The following TTK variants were observed in gnomAD, a reference collection of about 807,000 sequenced individuals.
The protein encoded by TTK is TTK protein kinase, also known as dual specificity protein kinase TTK.
Under a neutral mutation model 117.3 loss-of-function variants are expected in TTK, and 59 were observed. That is an observed-to-expected ratio of 0.50 (90% CI 0.41 to 0.62). The LOEUF is 0.62. Ranked by LOEUF, TTK falls within the 20% of genes least tolerant of loss-of-function variation. The pLI, the probability that TTK is intolerant of heterozygous loss-of-function variation, is 0.00. For missense variants in TTK, 921 were observed against 989.4 expected (o/e 0.93, Z 0.93); for synonymous variants, 302 against 325.0 (o/e 0.93, Z 0.76).
intron 10 of TTK, among the ~76,000 whole-genome samples, chr6:80,016,764 C>T (rs1207879016): frequency 1.3e-5 from 2 of 152,164 alleles, no homozygotes; most frequent in Non-Finnish European, 2.9e-5. Flanking sequence ...AACATGTGCT[C>T]TACCCATCAC....
chr6:80,027,793 T>G, intron 12 of TTK, 92 bp from the exon 13 acceptor site: 3 of 995,554 alleles, frequency 3.0e-6, no homozygotes, highest in Non-Finnish European at 4.2e-6. Flanking sequence ...GTAACACTTT[T>G]AAGTTTATAT....
rs749764035 is a variant in TTK, at chr6:80,005,858, T to C, written c.15T>C (p.Asp5=). Residue 5 remains aspartate (D), a synonymous_variant, in exon 2 of 22, where the codon GAT becomes GAC. Transcript: ENST00000369798. MESE[D]LSGRELTIDS... ...TTTTCTTAGAAATGGAATCCGAGGA[T>C]TTAAGTGGCAGAGAATTGACAATTG... 1 of 1,612,442 alleles carries C rather than the reference T, an allele frequency of 6.2e-7. No individual in the cohort carries two copies. Among genetic ancestry groups the C allele is most frequent in the Non-Finnish European group, 8.5e-7 (1 of 1,179,546 alleles).
chr6:80,015,436 G>T (rs1339982104), intron 10 of TTK, among the ~76,000 whole-genome samples: 1 of 152,130 alleles, frequency 6.6e-6, no homozygotes, highest in East Asian at 1.9e-4. Context: ...TTGCCAGATT[G>T]GATGTATTAA....
intron 11 of TTK, among the ~76,000 whole-genome samples, chr6:80,024,878 T>C (rs1767564545): frequency 6.6e-6 from 1 of 152,166 alleles, no homozygotes; most frequent in Non-Finnish European, 1.5e-5. Flanking sequence ...CATTTCTTCC[T>C]CTTTCTTGCA....
chr6:80,022,849 C>T (rs1767499193), intron 11 of TTK, among the ~76,000 whole-genome samples: 1 of 152,152 alleles, frequency 6.6e-6, no homozygotes, highest in Non-Finnish European at 1.5e-5. Flanking sequence ...GACCACTTGG[C>T]CTGCAAAGTT....
intron 13 of TTK, among the ~76,000 whole-genome samples, chr6:80,028,324 T>C (rs1767662508): frequency 6.6e-6 from 1 of 151,202 alleles, no homozygotes; most frequent in Non-Finnish European, 1.5e-5. Flanking sequence ...TTTATTTATT[T>C]ATTTATTTTT....
At chr6:80,020,423 G>C (rs950924288) in intron 10 of TTK, among the ~76,000 whole-genome samples, 1 of 152,040 alleles carries the variant, frequency 6.6e-6, no homozygotes, top group Non-Finnish European at 1.5e-5. Context: ...CTCCAAGTGA[G>C]ATAAAACAGT....
At chr6:80,025,772 C>A (rs1394631882) in intron 11 of TTK, among the ~76,000 whole-genome samples, 1 of 152,054 alleles carries the variant, frequency 6.6e-6, no homozygotes, top group Non-Finnish European at 1.5e-5. Flanking sequence ...TCAGCCTGAG[C>A]CTGTAGGCTG....
At chr6:80,038,696 TGTAA>T (rs1334881203) in intron 18 of TTK, among the ~76,000 whole-genome samples, 5 of 152,272 alleles carry the variant, frequency 3.3e-5, no homozygotes, top group African/African-American at 7.2e-5. Flanking sequence ...AAATCTGGCT[TGTAA>T]GTGTTTTTCA....
chr6:80,025,910 GT>G (rs1767592828), intron 11 of TTK, among the ~76,000 whole-genome samples: 1 of 150,060 alleles, frequency 6.7e-6, no homozygotes, highest in African/African-American at 2.5e-5. Flanking sequence ...ATTTCTACAG[GT>G]TCTGTCTCTT....
intron 4 of TTK, among the ~76,000 whole-genome samples, chr6:80,008,948 T>TGC (rs1187824425): frequency 6.8e-6 from 1 of 147,836 alleles, no homozygotes; most frequent in African/African-American, 2.5e-5. Flanking sequence ...TGTGTGTGTG[T>TGC]GTGTGTGTGT....
rs755010075 is a variant in TTK at position 80,014,559 on chromosome 6, G to A, written c.1081G>A (p.Glu361Lys). The A allele has an allele frequency of 2.6e-5, 42 of 1,599,956 alleles. No individual in the cohort carries two copies. Among genetic ancestry groups the A allele is most frequent in the Non-Finnish European group, 3.1e-5 (36 of 1,173,792 alleles). Reference sequence around the variant, plus strand: ...TTCAATAACCCTGAAGAATAAAACGGAATCAAGTCTTCTAGCTAAATTAGA... The same window carrying A: ...TTCAATAACCCTGAAGAATAAAACGAAATCAAGTCTTCTAGCTAAATTAGA... ...TDSITLKNKTESSLLAKLEET... is the reference protein window; with the variant it reads ...TDSITLKNKTKSSLLAKLEET... The change falls in exon 10 of 22, where the codon GAA becomes AAA. Residue 361 changes from glutamate to lysine, a missense_variant. Physicochemically the swap from Glu to Lys is moderately conservative, Grantham distance 56 (BLOSUM62 1). Coordinates refer to ENST00000369798, the MANE Select transcript of TTK (RefSeq NM_003318.5).
chr6:80,021,472 A>G (rs1582098680), intron 10 of TTK, among the ~76,000 whole-genome samples: 2 of 152,326 alleles, frequency 1.3e-5, no homozygotes, highest in Admixed American at 1.3e-4. Context: ...GCTCTTCACA[A>G]CACAGAGGCC....
rs1416665544 is a variant in TTK at position 80,036,488 on chromosome 6, T to G, written c.1938T>G (p.Ser646Arg). Residue 646 changes from serine to arginine, a missense_variant, in exon 17 of 22, where the codon AGT becomes AGG. By Grantham distance (110) the Ser-to-Arg change is moderately radical. Transcript: ENST00000369798. ...HTIHQHGIVH[S>R]DLKPANFLIV... is the part of the protein sequence containing the mutation. The stretch of plus-strand genomic sequence containing the variant: ...TTTATTTTAAAGGCATTGTTCACAG[T>G]GATCTTAAACCAGCTAACTTTCTGA... The G allele has an allele frequency of 1.2e-6, 2 of 1,607,866 alleles. No individual in the cohort carries two copies. Among genetic ancestry groups the G allele is most frequent in the Non-Finnish European group, 1.7e-6 (2 of 1,177,546 alleles).
intron 10 of TTK, among the ~76,000 whole-genome samples, chr6:80,021,483 A>G (rs998296788): frequency 5.3e-5 from 8 of 152,222 alleles, no homozygotes; most frequent in Admixed American, 4.6e-4. Flanking sequence ...CACAGAGGCC[A>G]AAAACATGAG....
intron 16 of TTK, 109 bp downstream of exon 16, chr6:80,035,526 A>C (rs2127682661): frequency 9.2e-7 from 1 of 1,090,542 alleles, no homozygotes; most frequent in Admixed American, 3.3e-5. Flanking sequence ...GTCTTTAACG[A>C]GATCAACTAA....
At chr6:80,024,663 A>G (rs1052779057) in intron 11 of TTK, among the ~76,000 whole-genome samples, 1 of 152,160 alleles carries the variant, frequency 6.6e-6, no homozygotes. Flanking sequence ...AAAATATTCT[A>G]AAATTGGATT....
chr6:80,032,653 C>T (rs577925166), intron 14 of TTK, among the ~76,000 whole-genome samples: 1 of 150,968 alleles, frequency 6.6e-6, no homozygotes, highest in Non-Finnish European at 1.5e-5. Context: ...AAATTGGTGC[C>T]TCTTACTCTC....
chr6:80,035,241 G>T (rs760792100), intron 15 of TTK, 25 bp from the exon 16 acceptor site: 1 of 1,561,362 alleles, frequency 6.4e-7, no homozygotes, highest in Non-Finnish European at 8.6e-7. Flanking sequence ...TTATTGTTTT[G>T]TTGCTTTTAT....
Sources: gnomAD v4.1 joint callset for allele counts (sites outside exome capture counted in the v4.1 genomes callset) on GRCh38, gnomAD v4.1.1 for gene constraint, MANE v1.5 for transcripts, NCBI Gene and HGNC (gene_info 2026-07-23, HGNC 2026-07-21) for gene names.